KCNN2: variants seen among roughly 807,000 people sequenced by gnomAD.
KCNN2 encodes small conductance calcium-activated potassium channel protein 2.
A neutral mutation model predicts 55.5 loss-of-function variants in KCNN2; 24 were observed. The observed-to-expected ratio is 0.43, with a 90% CI of 0.31 to 0.61. The LOEUF (loss-of-function observed/expected upper bound fraction) is 0.61, where lower values mean the gene tolerates loss of function less well. KCNN2 is among the 20% of genes least tolerant of loss of function. The pLI is 0.08. For synonymous variants in KCNN2, 431 were observed against 336.1 expected, an observed-to-expected ratio of 1.28 and a Z score of -3.09; for missense variants, 754 against 853.6, an observed-to-expected ratio of 0.88 and a Z score of 1.45.
Position 114,293,823 on chromosome 5 carries a change from G to C in KCNN2, c.-184-67122G>C, listed in dbSNP as rs1445023967. Among the ~76,000 whole-genome samples, 4 of 152,072 alleles carry C rather than the reference G, an allele frequency of 2.6e-5. No homozygotes were observed. The South Asian group carries it at 6.2e-4, about 24-fold the overall frequency. ...TTCGGCTGTGAATCCATCTGGTCCT[G>C]GACTCTTTTTGGTTGGTAAGCTATT... On this transcript the variant is annotated intron_variant, in intron 2 of 10. Coordinates refer to the KCNN2 transcript ENST00000512097.
intron 2 of KCNN2, among the ~76,000 whole-genome samples, chr5:114,331,181 G>A (rs186279584): frequency 2.0e-5 from 3 of 152,216 alleles, no homozygotes; most frequent in East Asian, 3.9e-4. Flanking sequence ...TCATAGATAA[G>A]AACAAAAGGT....
intron 1 of KCNN2, among the ~76,000 whole-genome samples, chr5:114,141,701 G>A (rs971497085): frequency 3.3e-5 from 5 of 152,144 alleles, no homozygotes; most frequent in Admixed American, 6.5e-5. Context: ...CTGAGGATTC[G>A]CCACACTGTC....
At chr5:114,446,960 T>G (rs551503899) in intron 3 of KCNN2, among the ~76,000 whole-genome samples, 9 of 152,280 alleles carry the variant, frequency 5.9e-5, no homozygotes, top group African/African-American at 4.8e-5. Flanking sequence ...AAAAATCTAG[T>G]TCCTCATTTG....
intron 4 of KCNN2, among the ~76,000 whole-genome samples, chr5:114,465,245 A>G (rs571503637): frequency 1.3e-5 from 2 of 152,308 alleles, no homozygotes; most frequent in African/African-American, 4.8e-5. Context: ...CTCATCAGAT[A>G]GTACAAATCT....
At chr5:114,436,579 T>A (rs1393434094) in intron 3 of KCNN2, among the ~76,000 whole-genome samples, 1 of 152,230 alleles carries the variant, frequency 6.6e-6, no homozygotes, top group Non-Finnish European at 1.5e-5. Context: ...GCATACATAC[T>A]TGGACGGTTG....
chr5:114,265,105 G>T (rs533164043), intron 2 of KCNN2, among the ~76,000 whole-genome samples: 1 of 152,208 alleles, frequency 6.6e-6, no homozygotes, highest in African/African-American at 2.4e-5. Context: ...ACACATCTTG[G>T]TGAGGAGGTA....
At chr5:114,333,864 C>T (rs750658816) in intron 2 of KCNN2, among the ~76,000 whole-genome samples, 7 of 152,268 alleles carry the variant, frequency 4.6e-5, no homozygotes, top group East Asian at 3.9e-4. Flanking sequence ...GTTGTCTACT[C>T]GTAGCTGTCA....
At chr5:114,197,689 G>T (rs1203260237) in intron 1 of KCNN2, among the ~76,000 whole-genome samples, 1 of 152,156 alleles carries the variant, frequency 6.6e-6, no homozygotes, top group African/African-American at 2.4e-5. Flanking sequence ...AGGCAGAATA[G>T]GGGTGGGAAT....
intron 1 of KCNN2, among the ~76,000 whole-genome samples, chr5:114,107,390 G>C (rs757380894): frequency 3.3e-4 from 50 of 151,764 alleles, no homozygotes; most frequent in Middle Eastern, 3.4e-3. Flanking sequence ...GTGTTATAAT[G>C]TGCATTCTTT....
intron 2 of KCNN2, among the ~76,000 whole-genome samples, chr5:114,263,561 T>A (rs1219391378): frequency 2.0e-5 from 3 of 152,156 alleles, no homozygotes; most frequent in Non-Finnish European, 4.4e-5. Flanking sequence ...CTTCACCCGT[T>A]TTGAATCTGG....
rs370269998 is a variant in KCNN2, at chr5:114,099,833, A to G, written c.-271+43333A>G. On this transcript the variant is annotated intron_variant, in intron 1 of 10. Coordinates refer to the KCNN2 transcript ENST00000512097. The stretch of plus-strand genomic sequence containing the variant: ...GTTTGAATTGATTTATATTTTTGAC[A>G]TTAGAGAGGTCCTCACACAAAAAGG... 9.2e-5 allele frequency among the ~76,000 whole-genome samples: 14 copies of G among 152,174 alleles called. No individual in the cohort carries two copies. In the East Asian group the frequency reaches 1.7e-3, roughly 19 times the overall value.
intron 2 of KCNN2, among the ~76,000 whole-genome samples, chr5:114,374,366 A>G (rs1305889394): frequency 2.0e-5 from 3 of 152,192 alleles, no homozygotes; most frequent in African/African-American, 7.2e-5. Context: ...CATGTAAATG[A>G]CTGTAGTTGG....
intron 5 of KCNN2, among the ~76,000 whole-genome samples, chr5:114,484,637 G>A (rs1762370855): frequency 6.6e-6 from 1 of 152,122 alleles, no homozygotes; most frequent in Non-Finnish European, 1.5e-5. Flanking sequence ...TGGAAAGGAA[G>A]ACCCTACTAT....
chr5:114,212,749 A>C lies in KCNN2; in HGVS notation c.-270-8731A>C, dbSNP rs77070760. On this transcript the variant is annotated intron_variant, in intron 1 of 10. Transcript: ENST00000512097. The stretch of plus-strand genomic sequence containing the variant: ...CATGAAATATATATTTACCTTTAGT[A>C]GTAAGACTGAGTGATTTTTATAAAT... Among the ~76,000 whole-genome samples the C allele has an allele frequency of 5.5e-3, 836 of 152,172 alleles. 5 individuals are homozygous for C. Among genetic ancestry groups the C allele is most frequent in the African/African-American group, 0.019 (793 of 41,570 alleles).
chr5:114,135,747 G>A (rs1487515403), intron 1 of KCNN2, among the ~76,000 whole-genome samples: 3 of 151,794 alleles, frequency 2.0e-5, no homozygotes, highest in Non-Finnish European at 4.4e-5. Flanking sequence ...ACTGGAAACA[G>A]AGACTGTGAA....
intron 2 of KCNN2, among the ~76,000 whole-genome samples, chr5:114,238,800 C>T (rs1477339450): frequency 3.3e-5 from 5 of 152,100 alleles, no homozygotes; most frequent in Non-Finnish European, 5.9e-5. Context: ...TAACATAGAT[C>T]AAAATGCAAA....
intron 5 of KCNN2, among the ~76,000 whole-genome samples, chr5:114,479,251 CAG>C (rs765943675): frequency 3.7e-4 from 54 of 144,502 alleles, no homozygotes; most frequent in Non-Finnish European, 4.9e-4. Context: ...AAAAACAAAA[CAG>C]GGGTGGAAAT....
At chr5:114,303,971 A>G (rs1222102276) in intron 2 of KCNN2, among the ~76,000 whole-genome samples, 1 of 152,150 alleles carries the variant, frequency 6.6e-6, no homozygotes, top group African/African-American at 2.4e-5. Flanking sequence ...CCTTGGAAAA[A>G]GTTTGGGCTG....
At chr5:114,258,446 T>C (rs1755029341) in intron 2 of KCNN2, among the ~76,000 whole-genome samples, 1 of 152,150 alleles carries the variant, frequency 6.6e-6, no homozygotes, top group South Asian at 2.1e-4. Flanking sequence ...TCTGGGAGAA[T>C]TTGGCTGTGA....
Sources: allele counts gnomAD v4.1 joint callset (sites outside exome capture counted in the v4.1 genomes callset), GRCh38; gene constraint gnomAD v4.1.1; transcripts MANE v1.5; gene names NCBI Gene and HGNC (gene_info 2026-07-23, HGNC 2026-07-21).